The following EPS15 variants were observed in gnomAD, a reference collection of about 807,000 sequenced individuals.
EPS15 encodes epidermal growth factor receptor pathway substrate 15.
Under a neutral mutation model 113.8 loss-of-function variants are expected in EPS15, and 72 were observed. The ratio of observed to expected loss-of-function variants is 0.63; its 90% confidence interval spans 0.52 to 0.77. The LOEUF is 0.77. EPS15 is among the 30% of genes least tolerant of loss of function. The probability of loss-of-function intolerance (pLI) is 0.00; values close to 1 mark genes in which losing one functional copy is unlikely to be tolerated. For synonymous variants in EPS15, 344 were observed against 363.4 expected (o/e 0.95, Z 0.61); for missense variants, 1,048 against 1,045.8 (o/e 1.00, Z -0.03).
Position 51,424,849 on chromosome 1 carries a change from G to A in EPS15, c.1041-2991C>T, listed in dbSNP as rs116213543. On this transcript the variant is annotated intron_variant, in intron 12 of 24. Coordinates refer to ENST00000371733, the MANE Select transcript of EPS15 (RefSeq NM_001981.3). ...ACTCAGAAGGCGGAAGCTGCAGTGA[G>A]CAGCTATCAGGCCACTGCACTCCAG... Among the ~76,000 whole-genome samples, 843 of 152,142 alleles carry A rather than the reference G, an allele frequency of 5.5e-3. 4 individuals carry two copies. The highest frequency in any genetic ancestry group is 0.018 in the African/African-American group (764 of 41,488).
At chr1:51,434,247 T>C (rs1651959478) in intron 12 of EPS15, among the ~76,000 whole-genome samples, 1 of 152,230 alleles carries the variant, frequency 6.6e-6, no homozygotes, top group Admixed American at 6.5e-5. Flanking sequence ...TGTATGTTCA[T>C]GTTCATAGCA....
intron 7 of EPS15, among the ~76,000 whole-genome samples, chr1:51,462,695 T>C (rs1654551333): frequency 6.6e-6 from 1 of 152,050 alleles, no homozygotes; most frequent in African/African-American, 2.4e-5. Context: ...AGTTTTACTT[T>C]TACAGGAGGA....
intron 8 of EPS15, chr1:51,458,531 GCT>G (rs1169653422): frequency 6.7e-6 from 3 of 445,222 alleles, no homozygotes; most frequent in Non-Finnish European, 1.4e-5. Flanking sequence ...ATTATCAGGA[GCT>G]CGAGACCAGT....
intron 20 of EPS15, 122 bp from the exon 21 acceptor site, chr1:51,394,569 G>A: frequency 2.0e-6 from 1 of 495,056 alleles, no homozygotes; most frequent in East Asian, 3.3e-5. Context: ...TAGACATTAG[G>A]AACAAATGTT....
intron 11 of EPS15, among the ~76,000 whole-genome samples, chr1:51,441,130 AC>A (rs1652566295): frequency 6.6e-6 from 1 of 152,114 alleles, no homozygotes; most frequent in Non-Finnish European, 1.5e-5. Flanking sequence ...TATTTTACTA[AC>A]TGCATTATCA....
intron 21 of EPS15, among the ~76,000 whole-genome samples, chr1:51,389,870 C>T (rs1298715496): frequency 6.6e-6 from 1 of 152,178 alleles, no homozygotes; most frequent in African/African-American, 2.4e-5. Context: ...GAATCAATAT[C>T]GTGAAAATGG....
At chr1:51,379,213 G>A (rs909430540) in intron 21 of EPS15, among the ~76,000 whole-genome samples, 17 of 152,070 alleles carry the variant, frequency 1.1e-4, no homozygotes, top group Admixed American at 6.5e-4. Flanking sequence ...TCTGCCTCCC[G>A]GGTTCAAGTG....
rs1653213692 is a variant in EPS15 at position 51,448,070 on chromosome 1, C to T, written c.627G>A (p.Leu209=). The change falls in exon 9 of 25, where the codon TTG becomes TTA. Residue 209 remains leucine, a synonymous_variant. Transcript: ENST00000371733. ...EPVPMSLPPA[L]VPPSKRKTWV... ...CCGTTTTTCTCTTAGATGGTGGCAC[C>T]AAGGCTGGAGGCAAGGACATTGGCA... is the stretch of plus-strand genomic sequence containing the variant. The T allele has an allele frequency of 6.2e-7, 1 of 1,613,462 alleles. No individual in the cohort carries two copies. Among genetic ancestry groups the T allele is most frequent in the East Asian group, 2.2e-5 (1 of 44,866 alleles).
intron 21 of EPS15, among the ~76,000 whole-genome samples, chr1:51,393,836 G>A (rs1647638431): frequency 6.6e-6 from 1 of 152,124 alleles, no homozygotes; most frequent in Admixed American, 6.6e-5. Context: ...GTACGATCTT[G>A]ATGAACACTG....
chr1:51,447,400 T>C (rs916132607), intron 9 of EPS15, among the ~76,000 whole-genome samples: 3 of 152,204 alleles, frequency 2.0e-5, no homozygotes, highest in Non-Finnish European at 4.4e-5. Flanking sequence ...CACATTAATA[T>C]AGGTAACTGA....
At chr1:51,372,404 A>G in intron 21 of EPS15, 1 of 535,832 alleles carries the variant, frequency 1.9e-6, no homozygotes, top group Non-Finnish European at 3.8e-6. Context: ...AGACAAAAGT[A>G]CTTGATGTAT....
At chr1:51,387,523 G>C (rs988885926) in intron 21 of EPS15, among the ~76,000 whole-genome samples, 1 of 152,240 alleles carries the variant, frequency 6.6e-6, no homozygotes, top group Non-Finnish European at 1.5e-5. Flanking sequence ...ACACAGACTG[G>C]CAAGTTGGAT....
At chr1:51,404,046 T>C (rs1338619159) in intron 16 of EPS15, among the ~76,000 whole-genome samples, 1 of 152,128 alleles carries the variant, frequency 6.6e-6, no homozygotes, top group African/African-American at 2.4e-5. Context: ...GGTGAAAGAC[T>C]TAAGAAGTAG....
At chr1:51,516,037 TA>T (rs1321972658) in intron 1 of EPS15, among the ~76,000 whole-genome samples, 1 of 152,150 alleles carries the variant, frequency 6.6e-6, no homozygotes, top group Non-Finnish European at 1.5e-5. Context: ...GCTTTTTTTC[TA>T]ATCTACCAAC....
At chr1:51,436,316 G>A (rs1440667031) in intron 12 of EPS15, among the ~76,000 whole-genome samples, 1 of 152,148 alleles carries the variant, frequency 6.6e-6, no homozygotes, top group African/African-American at 2.4e-5. Context: ...ATGGTCCAAA[G>A]GAGGAAAAGG....
chr1:51,456,466 A>G (rs1263659789), intron 8 of EPS15, among the ~76,000 whole-genome samples: 1 of 152,190 alleles, frequency 6.6e-6, no homozygotes, highest in Non-Finnish European at 1.5e-5. Flanking sequence ...GTCAGTTTTG[A>G]TTATCTAGTA....
chr1:51,429,619 G>C (rs186305764), intron 12 of EPS15, among the ~76,000 whole-genome samples: 2 of 149,990 alleles, frequency 1.3e-5, no homozygotes, highest in Admixed American at 6.6e-5. Flanking sequence ...ACTAGGTAAA[G>C]ACAGCCTTTT....
chr1:51,362,377 T>C (rs1208905863), intron 23 of EPS15, among the ~76,000 whole-genome samples: 1 of 152,200 alleles, frequency 6.6e-6, no homozygotes, highest in Non-Finnish European at 1.5e-5. Context: ...TAGTGCTCTT[T>C]CCAACAAACC....
At chr1:51,489,140 T>TAA (rs537853692) in intron 1 of EPS15, among the ~76,000 whole-genome samples, 3 of 136,900 alleles carry the variant, frequency 2.2e-5, no homozygotes, top group Non-Finnish European at 3.2e-5. Context: ...CTAACTAATG[T>TAA]AAAAAAAAAA....
Sources: allele counts gnomAD v4.1 joint callset (sites outside exome capture counted in the v4.1 genomes callset), GRCh38; gene constraint gnomAD v4.1.1; transcripts MANE v1.5; gene names NCBI Gene and HGNC (gene_info 2026-07-23, HGNC 2026-07-21).